Variants in SMC5 observed in about 807,000 individuals in gnomAD.
SMC5 encodes structural maintenance of chromosomes 5.
Under a neutral mutation model 148.3 loss-of-function variants are expected in SMC5, and 88 were observed. The ratio of observed to expected loss-of-function variants is 0.59; its 90% confidence interval spans 0.50 to 0.71. The LOEUF is 0.71. SMC5 is among the 30% of genes least tolerant of loss of function. The probability of loss-of-function intolerance (pLI) is 0.00; values close to 1 mark genes in which losing one functional copy is unlikely to be tolerated. For missense variants in SMC5, 1,142 were observed against 1,298.9 expected, an observed-to-expected ratio of 0.88 and a Z score of 1.86; for synonymous variants, 421 against 432.8, an observed-to-expected ratio of 0.97 and a Z score of 0.34.
chr9:70,287,171 G>C (rs1564031952), intron 8 of SMC5, among the ~76,000 whole-genome samples: 1 of 152,094 alleles, frequency 6.6e-6, no homozygotes, highest in South Asian at 2.1e-4. Flanking sequence ...GTTTCAATTT[G>C]TAGTATCCTG....
At position 70,274,171 on chromosome 9, in the gene SMC5, T is replaced by C. The variant is rs183521746; in HGVS notation, c.381-3139T>C. Among the ~76,000 whole-genome samples the C allele has an allele frequency of 1.1e-3, 161 of 152,336 alleles. 2 individuals carry two copies. Among genetic ancestry groups the C allele is most frequent in the African/African-American group, 3.7e-3 (153 of 41,578 alleles). On this transcript the variant is annotated intron_variant, in intron 3 of 24. Transcript: ENST00000361138. ...ATCTCGGCTCACTGCAGGCTCCGCCTCCCGGGTTCACGCCATTTTCCTGCC... is the reference window on the plus strand; with the variant it reads ...ATCTCGGCTCACTGCAGGCTCCGCCCCCCGGGTTCACGCCATTTTCCTGCC...
chr9:70,290,885 C>G (rs1454490615), intron 8 of SMC5, among the ~76,000 whole-genome samples: 2 of 152,082 alleles, frequency 1.3e-5, no homozygotes, highest in Admixed American at 6.5e-5. Context: ...GGTTAAAGCC[C>G]CTTTGTCTTA....
At chr9:70,329,965 C>A (rs995960193) in intron 17 of SMC5, among the ~76,000 whole-genome samples, 1 of 152,022 alleles carries the variant, frequency 6.6e-6, no homozygotes, top group African/African-American at 2.4e-5. Flanking sequence ...GGGGGAAGTG[C>A]TGCACACTTT....
chr9:70,305,124 C>CTT, intron 10 of SMC5, 123 bp from the exon 11 acceptor site: 1 of 540,388 alleles, frequency 1.9e-6, no homozygotes. Context: ...GTACCAAGTT[C>CTT]TTTTTTTTTA....
At chr9:70,272,050 G>A (rs1426724761) in intron 3 of SMC5, among the ~76,000 whole-genome samples, 1 of 152,192 alleles carries the variant, frequency 6.6e-6, no homozygotes, top group Non-Finnish European at 1.5e-5. Flanking sequence ...CTTTAAGAGA[G>A]CAAAGGCAAA....
chr9:70,266,954 G>C (rs1181285373), intron 2 of SMC5, among the ~76,000 whole-genome samples: 3 of 151,890 alleles, frequency 2.0e-5, no homozygotes, highest in Non-Finnish European at 4.4e-5. Flanking sequence ...TGGTGGAGTT[G>C]AGATTTGAAC....
chr9:70,267,778 A>G, intron 2 of SMC5, 145 bp from the exon 3 acceptor site: 1 of 617,448 alleles, frequency 1.6e-6, no homozygotes, highest in Non-Finnish European at 2.8e-6. Context: ...GATCTGGGAG[A>G]GATACCTTAG....
At chr9:70,272,482 G>C (rs1433908949) in intron 3 of SMC5, among the ~76,000 whole-genome samples, 1 of 152,192 alleles carries the variant, frequency 6.6e-6, no homozygotes, top group Non-Finnish European at 1.5e-5. Flanking sequence ...TAGGGAGGCA[G>C]AGGCGGGAGG....
At chr9:70,274,035 C>T (rs2034519707) in intron 3 of SMC5, among the ~76,000 whole-genome samples, 2 of 152,178 alleles carry the variant, frequency 1.3e-5, no homozygotes. Context: ...GTGAATTTTC[C>T]TTGTCCTGTC....
At chr9:70,280,131 G>A (rs2026136) in intron 5 of SMC5, among the ~76,000 whole-genome samples, 96,798 of 152,070 alleles carry the variant, frequency 0.64, 31,561 homozygotes, top group Non-Finnish European at 0.71. Context: ...TTTAGCTTCA[G>A]ATATTCTGTT....
chr9:70,263,007 T>A (rs567266309), intron 1 of SMC5, among the ~76,000 whole-genome samples: 13 of 152,302 alleles, frequency 8.5e-5, no homozygotes, highest in Admixed American at 2.6e-4. Flanking sequence ...CTGTCCCTAT[T>A]TGTAATATCG....
At chr9:70,331,548 A>G (rs941739285) in intron 17 of SMC5, among the ~76,000 whole-genome samples, 1 of 152,064 alleles carries the variant, frequency 6.6e-6, no homozygotes. Flanking sequence ...CATTGCCACA[A>G]TATTTATGAA....
intron 10 of SMC5, among the ~76,000 whole-genome samples, chr9:70,300,975 T>C (rs1434706561): frequency 6.6e-6 from 1 of 152,156 alleles, no homozygotes; most frequent in Non-Finnish European, 1.5e-5. Flanking sequence ...CTGTAACTCA[T>C]GTTTGTGTTA....
chr9:70,278,054 A>G (rs2034642134), intron 4 of SMC5, among the ~76,000 whole-genome samples: 1 of 152,122 alleles, frequency 6.6e-6, no homozygotes, highest in Admixed American at 6.5e-5. Flanking sequence ...ATTAAATAAA[A>G]CTTAAACATT....
chr9:70,296,407 C>T (rs1484592718), intron 8 of SMC5, among the ~76,000 whole-genome samples: 2 of 151,976 alleles, frequency 1.3e-5, no homozygotes, highest in East Asian at 3.9e-4. Context: ...ACTAAATATA[C>T]AAAAATTAAC....
rs1412983840 is a variant in SMC5 at position 70,323,689 on chromosome 9, G to A, written c.2274+83G>A. 3.8e-6 allele frequency: 4 copies of A among 1,049,768 alleles called. No individual in the cohort carries two copies. In the African/African-American group the frequency reaches 4.9e-5, roughly 13 times the overall value. The allele number at this position is 1,049,768 out of a possible 1,614,324, so 65.0% of individuals were successfully genotyped here. On this transcript the variant is annotated intron_variant, in intron 16 of 24. Transcript: ENST00000361138. ...AGTAAAATCTTTAGAGGGAGGGAAG[G>A]TTTTGATTAAGGTTTTTGACATTTT...
intron 1 of SMC5, among the ~76,000 whole-genome samples, chr9:70,261,851 A>T (rs982026451): frequency 2.0e-5 from 3 of 152,232 alleles, no homozygotes; most frequent in African/African-American, 7.2e-5. Flanking sequence ...AAGCCAAGGA[A>T]AAAGAATGTT....
intron 11 of SMC5, among the ~76,000 whole-genome samples, chr9:70,313,835 A>G (rs1276118213): frequency 6.6e-6 from 1 of 152,104 alleles, no homozygotes; most frequent in Non-Finnish European, 1.5e-5. Flanking sequence ...ATCGTGGGTA[A>G]TAACATTGTA....
chr9:70,320,652 G>A (rs997999030), intron 15 of SMC5, among the ~76,000 whole-genome samples: 4 of 152,112 alleles, frequency 2.6e-5, no homozygotes, highest in Admixed American at 1.3e-4. Context: ...AGCATCTGTG[G>A]ATTTTGGAAT....
Sources: gnomAD v4.1 joint callset for allele counts (sites outside exome capture counted in the v4.1 genomes callset) on GRCh38, gnomAD v4.1.1 for gene constraint, MANE v1.5 for transcripts, NCBI Gene and HGNC (gene_info 2026-07-23, HGNC 2026-07-21) for gene names.